FAM135B: variants seen among roughly 807,000 people sequenced by gnomAD.
FAM135B encodes the protein protein FAM135B.
In FAM135B, 43 loss-of-function variants were observed where a neutral mutation model predicts 127.7. The ratio of observed to expected loss-of-function variants is 0.34; its 90% CI spans 0.26 to 0.43. The LOEUF is 0.43. FAM135B is among the 20% of genes least tolerant of loss of function. The pLI, the probability that FAM135B is intolerant of heterozygous loss-of-function variation, is 1.00. For missense variants in FAM135B, 1,558 were observed against 1,725.6 expected (o/e 0.90, Z 1.72); for synonymous variants, 670 against 665.1 (o/e 1.01, Z -0.11).
At chr8:138,303,238 T>C (rs1451542750) in intron 3 of FAM135B, among the ~76,000 whole-genome samples, 1 of 152,140 alleles carries the variant, frequency 6.6e-6, no homozygotes, top group Non-Finnish European at 1.5e-5. Context: ...ATATACACCA[T>C]GGAGTATTAT....
chr8:138,407,456 C>G (rs1587373589), intron 1 of FAM135B, among the ~76,000 whole-genome samples: 1 of 152,172 alleles, frequency 6.6e-6, no homozygotes, highest in East Asian at 1.9e-4. Context: ...CCAAGTCAAT[C>G]CTAAGCCAAA....
At chr8:138,185,257 T>G (rs956537052) in intron 9 of FAM135B, among the ~76,000 whole-genome samples, 2 of 152,198 alleles carry the variant, frequency 1.3e-5, no homozygotes, top group African/African-American at 4.8e-5. Flanking sequence ...ATGGGACCAG[T>G]GCAGACTAGG....
At chr8:138,182,925 G>C (rs1170402583) in intron 9 of FAM135B, among the ~76,000 whole-genome samples, 1 of 152,172 alleles carries the variant, frequency 6.6e-6, no homozygotes, top group East Asian at 1.9e-4. Flanking sequence ...ATTGTAATGG[G>C]CAGCCAGGGT....
At chr8:138,150,764 T>C (rs1463439673) in intron 13 of FAM135B, among the ~76,000 whole-genome samples, 1 of 152,178 alleles carries the variant, frequency 6.6e-6, no homozygotes, top group Non-Finnish European at 1.5e-5. Flanking sequence ...GGTATATTCA[T>C]GCAATAGAAT....
chr8:138,142,122 G>A (rs1203256618), intron 16 of FAM135B, among the ~76,000 whole-genome samples: 1 of 151,906 alleles, frequency 6.6e-6, no homozygotes, highest in Non-Finnish European at 1.5e-5. Context: ...GACTAAATGG[G>A]ATAATGTATA....
At chr8:138,422,990 T>C (rs565822970) in intron 1 of FAM135B, among the ~76,000 whole-genome samples, 1 of 152,278 alleles carries the variant, frequency 6.6e-6, no homozygotes, top group South Asian at 2.1e-4. Flanking sequence ...CTGGAGGCCA[T>C]TATCCTAAGC....
chr8:138,345,521 C>T (rs1829351061), intron 2 of FAM135B, among the ~76,000 whole-genome samples: 1 of 151,804 alleles, frequency 6.6e-6, no homozygotes, highest in Admixed American at 6.6e-5. Flanking sequence ...AGTCAGCCAC[C>T]ATAATCACAG....
intron 7 of FAM135B, among the ~76,000 whole-genome samples, chr8:138,235,877 A>C (rs138408035): frequency 1.4e-4 from 21 of 152,118 alleles, no homozygotes; most frequent in African/African-American, 4.6e-4. Context: ...AATGACATGC[A>C]CTCCTCTGTC....
At position 138,178,548 on chromosome 8, in the gene FAM135B, T is replaced by C. The variant is rs2130979360; in HGVS notation, c.1016A>G (p.His339Arg). The C allele has an allele frequency of 6.2e-7, 1 of 1,613,818 alleles. No individual in the cohort carries two copies. Among genetic ancestry groups the C allele is most frequent in the Non-Finnish European group, 8.5e-7 (1 of 1,180,018 alleles). ...TTGGCCACTCACCCTCAGGGTGTGG[T>C]GTTCCTGGGTGAGATAAGTGGTCAC... ...SQVTTYLTQE[H>R]HTLRVRRFSE... The change falls in exon 10 of 20, where the codon CAC becomes CGC. Residue 339 changes from histidine (H) to arginine (R), a missense_variant. Physicochemically the swap from His to Arg is conservative, Grantham distance 29. Around this residue, in one of 5 missense-constraint regions of FAM135B, gnomAD observed 115 missense variants for 171.1 expected, o/e 0.67. Coordinates refer to ENST00000395297, the MANE Select transcript of FAM135B (RefSeq NM_015912.4).
At chr8:138,462,718 A>C (rs2131621807) in intron 1 of FAM135B, among the ~76,000 whole-genome samples, 1 of 152,318 alleles carries the variant, frequency 6.6e-6, no homozygotes, top group East Asian at 1.9e-4. Flanking sequence ...TTAATATAAC[A>C]AAGAAAATGC....
chr8:138,407,151 T>A (rs1221650013), intron 1 of FAM135B, among the ~76,000 whole-genome samples: 2 of 150,672 alleles, frequency 1.3e-5, no homozygotes, highest in African/African-American at 4.9e-5. Context: ...TGAACTCCCA[T>A]TCACAATTGC....
At chr8:138,306,347 A>C (rs1826253727) in intron 3 of FAM135B, among the ~76,000 whole-genome samples, 1 of 151,522 alleles carries the variant, frequency 6.6e-6, no homozygotes, top group Non-Finnish European at 1.5e-5. Flanking sequence ...AGGCAGGGGA[A>C]TCATTTGAAC....
chr8:138,426,494 C>T (rs1834897165), intron 1 of FAM135B, among the ~76,000 whole-genome samples: 1 of 150,828 alleles, frequency 6.6e-6, no homozygotes, highest in South Asian at 2.1e-4. Flanking sequence ...ACTATATACA[C>T]ATATGTATAC....
At chr8:138,312,424 G>A (rs1324244170) in intron 2 of FAM135B, among the ~76,000 whole-genome samples, 1 of 152,080 alleles carries the variant, frequency 6.6e-6, no homozygotes, top group Non-Finnish European at 1.5e-5. Context: ...GGAACCTCAG[G>A]ACCCAAGGAG....
intron 1 of FAM135B, among the ~76,000 whole-genome samples, chr8:138,491,747 A>G (rs1587564133): frequency 6.6e-6 from 1 of 152,242 alleles, no homozygotes; most frequent in African/African-American, 2.4e-5. Flanking sequence ...TCAAAATAAG[A>G]GACTGTCATT....
chr8:138,325,772 C>T (rs1328345912), intron 2 of FAM135B, among the ~76,000 whole-genome samples: 1 of 152,152 alleles, frequency 6.6e-6, no homozygotes, highest in African/African-American at 2.4e-5. Flanking sequence ...TTGGCAACAA[C>T]CCTAATGGTG....
At chr8:138,181,943 C>T (rs1044267734) in intron 9 of FAM135B, among the ~76,000 whole-genome samples, 1 of 152,212 alleles carries the variant, frequency 6.6e-6, no homozygotes, top group African/African-American at 2.4e-5. Flanking sequence ...CCAGCCCCAG[C>T]ACAACAGCTG....
chr8:138,429,464 T>G (rs1161679510), intron 1 of FAM135B, among the ~76,000 whole-genome samples: 1 of 152,202 alleles, frequency 6.6e-6, no homozygotes, highest in Non-Finnish European at 1.5e-5. Context: ...CGAACTCTAT[T>G]TTAACTGCAC....
intron 2 of FAM135B, among the ~76,000 whole-genome samples, chr8:138,349,674 T>C (rs1017664123): frequency 1.3e-5 from 2 of 152,154 alleles, no homozygotes; most frequent in Non-Finnish European, 2.9e-5. Flanking sequence ...AATGAGTGAA[T>C]GAATGAATAC....
Sources: gnomAD v4.1 joint callset for allele counts (sites outside exome capture counted in the v4.1 genomes callset) on GRCh38, gnomAD v4.1.1 for gene constraint, gnomAD v4.1.1 regional missense constraint, MANE v1.5 for transcripts, NCBI Gene and HGNC (gene_info 2026-07-23, HGNC 2026-07-21) for gene names.